MICB: variants seen among roughly 807,000 people sequenced by gnomAD.
MICB encodes the protein MHC class I antigen-related protein B.
A neutral mutation model predicts 34.3 loss-of-function variants in MICB; 27 were observed. The observed-to-expected ratio is 0.79, with a 90% CI of 0.58 to 1.08. MICB has a LOEUF of 1.08. Ranked by LOEUF, MICB falls within the 50% of genes least tolerant of loss-of-function variation. MICB has a pLI of 0.00. For missense variants in MICB, 426 were observed against 483.1 expected, an observed-to-expected ratio of 0.88 and a Z score of 1.11; for synonymous variants, 153 against 187.4, an observed-to-expected ratio of 0.82 and a Z score of 1.50.
chr6:31,499,231 T>TC (rs1020417244), intron 1 of MICB, among the ~76,000 whole-genome samples: 3 of 150,734 alleles, frequency 2.0e-5, no homozygotes, highest in Admixed American at 6.6e-5. Flanking sequence ...GCTCCGGGGG[T>TC]CCTCTCCTCT....
intron 3 of MICB, 65 bp from the exon 4 acceptor site, chr6:31,506,957 C>T (rs1371053439): frequency 3.8e-6 from 6 of 1,572,290 alleles, no homozygotes; most frequent in Non-Finnish European, 5.2e-6. Context: ...AGAGGAGCAG[C>T]CCTGTTCCCT....
intron 1 of MICB, among the ~76,000 whole-genome samples, chr6:31,501,631 G>A (rs1435933414): frequency 6.6e-6 from 1 of 152,190 alleles, no homozygotes; most frequent in Non-Finnish European, 1.5e-5. Flanking sequence ...ATAGGGTCCA[G>A]TTTCATTCTT....
At chr6:31,506,525 G>A in intron 3 of MICB, 95 bp downstream of exon 3, 1 of 1,345,852 alleles carries the variant, frequency 7.4e-7, no homozygotes, top group South Asian at 1.4e-5. Flanking sequence ...CCTGTGCTAT[G>A]GATGCAGGCG....
At chr6:31,500,757 G>T (rs564310596) in intron 1 of MICB, among the ~76,000 whole-genome samples, 1 of 152,256 alleles carries the variant, frequency 6.6e-6, no homozygotes, top group African/African-American at 2.4e-5. Context: ...CCAGTTCTTT[G>T]CAAATGACAT....
rs760005668 is a variant in MICB at position 31,509,822 on chromosome 6, G to T, written c.1065G>T (p.Gly355=). The stretch of plus-strand genomic sequence containing the variant: ...AGGTCCTGGATCAACACCCAGTTGG[G>T]ACAGGAGACCACAGGGATGCAGCAC... The part of the protein sequence containing the change: ...SLQVLDQHPV[G]TGDHRDAAQL... The change falls in exon 6 of 6, where the codon GGG becomes GGT. Residue 355 remains glycine, a synonymous_variant. Coordinates refer to ENST00000252229, the MANE Select transcript of MICB (RefSeq NM_005931.5). The T allele has an allele frequency of 3.7e-5, 59 of 1,612,582 alleles. 2 individuals carry two copies. The Middle Eastern group carries it at 1.2e-3, about 32-fold the overall frequency.
chr6:31,495,626 A>T (rs9267357), upstream of MICB, among the ~76,000 whole-genome samples: 51,359 of 151,900 alleles, frequency 0.34, 8,830 homozygotes, highest in East Asian at 0.46. Context: ...AATGACAGGG[A>T]TAGTTGAACT....
rs769322647 is a variant in MICB, at chr6:31,506,309, C to T, written c.492C>T (p.Asn164=). The T allele has an allele frequency of 6.2e-6, 10 of 1,614,088 alleles. No homozygotes were observed. The highest frequency in any genetic ancestry group is 1.1e-5 in the South Asian group (1 of 91,092). ...CCAGAGCTCAGACCTTGGCTATGAA[C>T]GTCACAAATTTCTGGAAGGAAGATG... ...QSSRAQTLAM[N]VTNFWKEDAM... Residue 164 remains asparagine, a synonymous_variant, in exon 3 of 6, where the codon AAC becomes AAT. Transcript: ENST00000252229.
chr6:31,508,570 A>G (rs1423398815), intron 5 of MICB, among the ~76,000 whole-genome samples: 1 of 152,132 alleles, frequency 6.6e-6, no homozygotes, highest in Non-Finnish European at 1.5e-5. Context: ...CCCATCCAGG[A>G]GGCACCCACA....
rs1293425326 is a variant in MICB at position 31,507,566 on chromosome 6, G to A, written c.1024+35G>A. 6.2e-7 allele frequency: 1 copy of A among 1,613,482 alleles called. No individual in the cohort carries two copies. The stretch of plus-strand genomic sequence containing the variant: ...GGGGACAGTTTCTGGAGATGGGAAA[G>A]CTCCTTTCTAGGCAGTAGGGTCTCC... On this transcript the variant is annotated intron_variant, in intron 5 of 5. Coordinates refer to ENST00000252229, the MANE Select transcript of MICB (RefSeq NM_005931.5). This position sits in a 1 kb window ranked among gnomAD's most constrained non-coding sequence, Gnocchi z 6.0.
At chr6:31,499,977 T>C (rs1386913248) in intron 1 of MICB, among the ~76,000 whole-genome samples, 1 of 129,342 alleles carries the variant, frequency 7.7e-6, no homozygotes, top group Non-Finnish European at 1.6e-5. Context: ...CTACCCCAAG[T>C]TCTCCCACAG....
Position 31,505,991 on chromosome 6 carries a change from A to C in MICB, c.325+120A>C, listed in dbSNP as rs111494639. ...GGGGGTGGGGATGAGGAATAGGGTC[A>C]GGGAGGCTCAGCAGGGTGGTGAGCC... On this transcript the variant is annotated intron_variant, in intron 2 of 5. Transcript: ENST00000252229. The C allele has an allele frequency of 1.4e-6, 2 of 1,479,040 alleles. 1 individual carries two copies. Among genetic ancestry groups the C allele is most frequent in the African/African-American group, 2.8e-5 (2 of 71,102 alleles). The allele number at this position is 1,479,040 out of a possible 1,614,324, so 91.6% of individuals were successfully genotyped here. A position where few individuals can be genotyped will look rare whatever the true frequency, so the allele number is the denominator to read the frequency against.
chr6:31,508,316 C>T (rs151193486), intron 5 of MICB, among the ~76,000 whole-genome samples: 20 of 152,274 alleles, frequency 1.3e-4, no homozygotes, highest in African/African-American at 4.3e-4. Context: ...GAGTAAGGGA[C>T]AGTCAGAAGC....
chr6:31,509,101 G>A (rs897295885), intron 5 of MICB, among the ~76,000 whole-genome samples: 6 of 152,164 alleles, frequency 3.9e-5, no homozygotes, highest in African/African-American at 1.4e-4. Flanking sequence ...AGTGGACCAG[G>A]AGTAAGTGGA....
chr6:31,509,547 A>T (rs13197153), intron 5 of MICB, among the ~76,000 whole-genome samples: 3 of 151,588 alleles, frequency 2.0e-5, no homozygotes, highest in Non-Finnish European at 4.4e-5. Context: ...GGGCCCTTTC[A>T]CTCCCTGCAC....
chr6:31,499,555 G>A (rs957815151), intron 1 of MICB, among the ~76,000 whole-genome samples: 6 of 151,778 alleles, frequency 4.0e-5, no homozygotes, highest in Non-Finnish European at 7.4e-5. Flanking sequence ...GTCCGGGGGG[G>A]TCTTCCCTCC....
intron 1 of MICB, among the ~76,000 whole-genome samples, chr6:31,504,511 G>A (rs1459024286): frequency 1.4e-5 from 2 of 139,194 alleles, no homozygotes; most frequent in East Asian, 2.2e-4. Flanking sequence ...CACCCGCCTC[G>A]GCCTCCCAAA....
rs774100611 is a variant in MICB, at chr6:31,507,558, A to T, written c.1024+27A>T. The T allele has an allele frequency of 6.2e-7, 1 of 1,613,764 alleles. No individual in the cohort carries two copies. Among genetic ancestry groups the T allele is most frequent in the South Asian group, 1.1e-5 (1 of 91,076 alleles). Reference sequence around the variant, plus strand: ...TGAGAAAAGGGGACAGTTTCTGGAGATGGGAAAGCTCCTTTCTAGGCAGTA... The same window carrying T: ...TGAGAAAAGGGGACAGTTTCTGGAGTTGGGAAAGCTCCTTTCTAGGCAGTA... On this transcript the variant is annotated intron_variant, in intron 5 of 5. Coordinates refer to ENST00000252229, the MANE Select transcript of MICB (RefSeq NM_005931.5). This position sits in a 1 kb window ranked among gnomAD's most constrained non-coding sequence, Gnocchi z 6.0.
chr6:31,499,441 G>A (rs1764897379), intron 1 of MICB, among the ~76,000 whole-genome samples: 1 of 150,496 alleles, frequency 6.6e-6, no homozygotes, highest in Non-Finnish European at 1.5e-5. Context: ...GGTCCCTCCT[G>A]CCTCCTTTAT....
chr6:31,506,566 C>T, intron 3 of MICB, 136 bp downstream of exon 3: 1 of 964,608 alleles, frequency 1.0e-6, no homozygotes, highest in Non-Finnish European at 1.5e-6. Context: ...TCCTGATTTG[C>T]CTCTCCTGTT....
Sources: gnomAD v4.1 joint callset for allele counts (sites outside exome capture counted in the v4.1 genomes callset) on GRCh38, gnomAD v4.1.1 for gene constraint, Gnocchi (gnomAD v3.1) non-coding constraint, MANE v1.5 for transcripts, NCBI Gene and HGNC (gene_info 2026-07-23, HGNC 2026-07-21) for gene names.